The following PPP1R9A variants were observed in gnomAD, a reference collection of about 807,000 sequenced individuals.
PPP1R9A encodes the protein protein phosphatase 1 regulatory subunit 9A.
Under a neutral mutation model 141.9 loss-of-function variants are expected in PPP1R9A, and 59 were observed. That is an observed-to-expected ratio of 0.42 (90% CI 0.34 to 0.52). The LOEUF (loss-of-function observed/expected upper bound fraction) is 0.52, where lower values mean the gene tolerates loss of function less well. Among genes scored for constraint, PPP1R9A ranks in the 20% least tolerant of loss-of-function variants. The pLI is 0.10. For missense variants in PPP1R9A, 1,444 were observed against 1,611.9 expected, an observed-to-expected ratio of 0.90 and a Z score of 1.78; for synonymous variants, 500 against 569.7, an observed-to-expected ratio of 0.88 and a Z score of 1.74.
chr7:95,077,627 A>G (rs1338901765), intron 2 of PPP1R9A, among the ~76,000 whole-genome samples: 1 of 152,214 alleles, frequency 6.6e-6, no homozygotes, highest in Non-Finnish European at 1.5e-5. Context: ...TTAACAAGAA[A>G]AAACAAACAA....
intron 2 of PPP1R9A, among the ~76,000 whole-genome samples, chr7:95,043,916 A>G (rs1415919347): frequency 6.6e-6 from 1 of 152,174 alleles, no homozygotes; most frequent in Non-Finnish European, 1.5e-5. Flanking sequence ...GTCCTGAAAT[A>G]CCTAAGCCTC....
intron 2 of PPP1R9A, among the ~76,000 whole-genome samples, chr7:95,106,586 A>G (rs751197921): frequency 6.6e-6 from 1 of 152,124 alleles, no homozygotes; most frequent in Non-Finnish European, 1.5e-5. Context: ...CAATTAGGCA[A>G]TTTCCTGCTT....
At chr7:95,171,415 TAA>T (rs1313283698) in intron 5 of PPP1R9A, among the ~76,000 whole-genome samples, 1 of 151,638 alleles carries the variant, frequency 6.6e-6, no homozygotes, top group Non-Finnish European at 1.5e-5. Flanking sequence ...AAATAAATTT[TAA>T]AAGTCAGTTT....
In PPP1R9A at chr7:95,228,239, T is replaced by A. The variant is rs558344703; in HGVS notation, c.2112+2123T>A. ...AGTCATACTTTGGGCCTGTTTTGTA[T>A]CTATCTTCCTGCTAAACTCAAAGCT... On this transcript the variant is annotated intron_variant, in intron 8 of 19. Coordinates refer to ENST00000433360, the MANE Select transcript of PPP1R9A (RefSeq NM_001166160.2). 2.6e-5 allele frequency among the ~76,000 whole-genome samples: 4 copies of A among 152,322 alleles called. No homozygotes were observed. In the East Asian group the frequency reaches 5.8e-4, roughly 22 times the overall value.
At chr7:94,961,024 A>G (rs1184421807) in intron 2 of PPP1R9A, among the ~76,000 whole-genome samples, 2 of 151,572 alleles carry the variant, frequency 1.3e-5, no homozygotes, top group Admixed American at 6.6e-5. Flanking sequence ...GCAGGTTTCT[A>G]TAGCCTTTCC....
In PPP1R9A at chr7:95,009,971, G is replaced by A. The variant is rs62467332; in HGVS notation, c.1395+98463G>A. Reference sequence around the variant, plus strand: ...AGTATTAAATTATTTAATGAATGATGTGTTCTATTAAGAGCCTTTCCATGC... The same window carrying A: ...AGTATTAAATTATTTAATGAATGATATGTTCTATTAAGAGCCTTTCCATGC... On this transcript the variant is annotated intron_variant, in intron 2 of 19. Transcript: ENST00000433360. Among the ~76,000 whole-genome samples the A allele has an allele frequency of 5.3e-3, 805 of 152,240 alleles. 4 individuals are homozygous for A. Among genetic ancestry groups the A allele is most frequent in the Middle Eastern group, 0.014 (4 of 294 alleles).
chr7:95,208,791 AAACTT>A (rs1791417939), intron 7 of PPP1R9A, among the ~76,000 whole-genome samples: 1 of 152,152 alleles, frequency 6.6e-6, no homozygotes, highest in East Asian at 1.9e-4. Flanking sequence ...GACTACATTA[AAACTT>A]AACTTCTGTT....
At chr7:95,029,954 C>G (rs1807426395) in intron 2 of PPP1R9A, among the ~76,000 whole-genome samples, 1 of 152,182 alleles carries the variant, frequency 6.6e-6, no homozygotes, top group Non-Finnish European at 1.5e-5. Flanking sequence ...AGCATCATGG[C>G]TGTTGCAGGT....
At chr7:95,187,569 C>T (rs1420345608) in intron 5 of PPP1R9A, among the ~76,000 whole-genome samples, 1 of 151,940 alleles carries the variant, frequency 6.6e-6, no homozygotes, top group Non-Finnish European at 1.5e-5. Flanking sequence ...TTTGTTCTTT[C>T]TCTAGTTCCT....
chr7:94,990,904 G>A (rs2151426330), intron 2 of PPP1R9A, among the ~76,000 whole-genome samples: 1 of 152,098 alleles, frequency 6.6e-6, no homozygotes, highest in East Asian at 1.9e-4. Context: ...TGGCTGAATA[G>A]TACTCCATTG....
In PPP1R9A at chr7:95,249,940, C is replaced by T. The variant is rs112039234; in HGVS notation, c.2167-86C>T. ...TCAGTGATTGTTTATGATAATAGAACTTGATCTACAACATGCTATAAAAAT... is the reference window on the plus strand; with the variant it reads ...TCAGTGATTGTTTATGATAATAGAATTTGATCTACAACATGCTATAAAAAT... On this transcript the variant is annotated intron_variant, in intron 9 of 19. Transcript: ENST00000433360. 1,034 of 1,451,636 alleles carry T rather than the reference C, an allele frequency of 7.1e-4. 4 individuals are homozygous for T. The African/African-American group carries it at 7.2e-3, about 10-fold the overall frequency. 89.9% of individuals were successfully genotyped at this position (1,451,636 alleles called of 1,614,324 possible).
Position 94,983,389 on chromosome 7 carries a change from G to A in PPP1R9A, c.1395+71881G>A, listed in dbSNP as rs371902764. Among the ~76,000 whole-genome samples the A allele has an allele frequency of 7.8e-4, 119 of 152,196 alleles. 1 individual carries two copies. The East Asian group carries it at 0.021, about 27-fold the overall frequency. The stretch of plus-strand genomic sequence containing the variant: ...AAGAAAGTCATTGGTAGCTTGATGG[G>A]GATGGCATTGAATCTATAAATTACC... On this transcript the variant is annotated intron_variant, in intron 2 of 19. Coordinates refer to ENST00000433360, the MANE Select transcript of PPP1R9A (RefSeq NM_001166160.2).
intron 16 of PPP1R9A, among the ~76,000 whole-genome samples, chr7:95,282,603 C>T (rs937545309): frequency 6.6e-6 from 1 of 152,176 alleles, no homozygotes; most frequent in Non-Finnish European, 1.5e-5. Flanking sequence ...TCTCCCTCCA[C>T]CCTCCCCAGA....
At chr7:94,981,084 C>G (rs1045019368) in intron 2 of PPP1R9A, among the ~76,000 whole-genome samples, 9 of 152,108 alleles carry the variant, frequency 5.9e-5, no homozygotes, top group Admixed American at 3.9e-4. Flanking sequence ...GTTGCTTGCT[C>G]ACAGTTTTTC....
chr7:95,026,300 C>T (rs997168578), intron 2 of PPP1R9A, among the ~76,000 whole-genome samples: 6 of 152,156 alleles, frequency 3.9e-5, no homozygotes, highest in African/African-American at 2.4e-5. Context: ...CTATTTGTTT[C>T]TGTTTGTTAG....
chr7:94,946,653 G>A (rs1033015745), intron 2 of PPP1R9A, among the ~76,000 whole-genome samples: 2 of 152,004 alleles, frequency 1.3e-5, no homozygotes, highest in Non-Finnish European at 2.9e-5. Flanking sequence ...TATATTGACT[G>A]TCAGACTTCA....
chr7:95,068,236 G>A (rs1276887112), intron 2 of PPP1R9A, among the ~76,000 whole-genome samples: 7 of 152,186 alleles, frequency 4.6e-5, no homozygotes, highest in African/African-American at 9.6e-5. Context: ...TTGGGAGGCC[G>A]AGGTGGGCAG....
rs146288818 is a variant in PPP1R9A at position 95,276,096 on chromosome 7, G to A, written c.3296+1928G>A. Among the ~76,000 whole-genome samples, 961 of 152,212 alleles carry A rather than the reference G, an allele frequency of 6.3e-3. 6 individuals carry two copies. The highest frequency in any genetic ancestry group is 0.031 in the South Asian group (150 of 4,808). ...AAAAAACAAATAATGAAACCGTTTA[G>A]GGGAGAAAGAGATGCATAAATACAT... is the stretch of plus-strand genomic sequence containing the variant. On this transcript the variant is annotated intron_variant, in intron 16 of 19. Coordinates refer to ENST00000433360, the MANE Select transcript of PPP1R9A (RefSeq NM_001166160.2).
Position 95,234,377 on chromosome 7 carries a change from C to T in PPP1R9A, c.2112+8261C>T, listed in dbSNP as rs541570400. The stretch of plus-strand genomic sequence containing the variant: ...CACAAATCAGTAGCTCTGCTATACA[C>T]CAACAGCGACCAAGCTGAGAATCGA... On this transcript the variant is annotated intron_variant, in intron 8 of 19. Transcript: ENST00000433360. Among the ~76,000 whole-genome samples the T allele has an allele frequency of 7.2e-5, 11 of 152,270 alleles. No homozygotes were observed. The South Asian group carries it at 1.7e-3, about 23-fold the overall frequency.
Sources: allele counts gnomAD v4.1 joint callset (sites outside exome capture counted in the v4.1 genomes callset), GRCh38; gene constraint gnomAD v4.1.1; transcripts MANE v1.5; gene names NCBI Gene and HGNC (gene_info 2026-07-23, HGNC 2026-07-21).